The following ARMC1 variants were observed in gnomAD, a reference collection of about 807,000 sequenced individuals.
The protein encoded by ARMC1 is armadillo repeat-containing protein 1.
ARMC1 carries 16 observed loss-of-function variants against 31.4 expected under a neutral mutation model. That is an observed-to-expected ratio of 0.51 (90% CI 0.34 to 0.77). The LOEUF (loss-of-function observed/expected upper bound fraction) is 0.77. ARMC1 is among the 30% of genes least tolerant of loss of function. The pLI, the probability that ARMC1 is intolerant of heterozygous loss-of-function variation, is 0.01. For missense variants in ARMC1, 259 were observed against 347.5 expected (o/e 0.75, Z 2.02); for synonymous variants, 114 against 118.9 (o/e 0.96, Z 0.27).
chr8:65,627,102 A>C, intron 2 of ARMC1, 114 bp downstream of exon 2: 3 of 962,310 alleles, frequency 3.1e-6, no homozygotes, highest in Non-Finnish European at 4.6e-6. Flanking sequence ...ACATAAATAC[A>C]AACAACTAAT....
intron 1 of ARMC1, among the ~76,000 whole-genome samples, chr8:65,629,473 C>G (rs1808589203): frequency 2.0e-5 from 3 of 152,088 alleles, no homozygotes; most frequent in African/African-American, 7.2e-5. Context: ...GTTTTTTTGA[C>G]ATCTATTGCA....
chr8:65,609,630 C>G (rs191193211), intron 4 of ARMC1, among the ~76,000 whole-genome samples: 1 of 152,028 alleles, frequency 6.6e-6, no homozygotes, highest in Non-Finnish European at 1.5e-5. Flanking sequence ...GAGGCCAAGG[C>G]GGGTGGATCA....
At position 65,605,348 on chromosome 8, in the gene ARMC1, A is replaced by G; in HGVS notation, c.583-11T>C. ...TGCTGATGCCAAAGCCTAAGCCAAG[A>G]TAAAAAGGAACAATTTTGAAATTGA... On this transcript the variant is annotated splice_polypyrimidine_tract_variant and intron_variant, in intron 5 of 6. Coordinates refer to ENST00000276569, the MANE Select transcript of ARMC1 (RefSeq NM_018120.6). 1 of 1,613,678 alleles carries G rather than the reference A, an allele frequency of 6.2e-7. No homozygotes were observed. Among genetic ancestry groups the G allele is most frequent in the Non-Finnish European group, 8.5e-7 (1 of 1,179,854 alleles).
chr8:65,612,721 G>A (rs907911853), intron 4 of ARMC1, among the ~76,000 whole-genome samples: 7 of 151,908 alleles, frequency 4.6e-5, no homozygotes, highest in African/African-American at 7.3e-5. Context: ...AATTAGCCAG[G>A]CATGGTGGTG....
In ARMC1 at chr8:65,604,283, A is replaced by G; in HGVS notation, c.*111T>C. On this transcript the variant is annotated 3_prime_UTR_variant, in exon 7 of 7. Transcript: ENST00000276569. ...GAAATGCAGCATATGCGATCGTGTA[A>G]TCTAAAAACTTTTCATGATAACTTA... The G allele has an allele frequency of 7.0e-6, 7 of 1,006,846 alleles. 1 individual carries two copies. The highest frequency in any genetic ancestry group is 1.0e-5 in the Non-Finnish European group (7 of 681,638). 62.4% of individuals were successfully genotyped at this position (1,006,846 alleles called of 1,614,324 possible).
chr8:65,621,208 T>C (rs1379686170), intron 3 of ARMC1, among the ~76,000 whole-genome samples: 2 of 152,188 alleles, frequency 1.3e-5, no homozygotes, highest in African/African-American at 4.8e-5. Flanking sequence ...AGATAATCCA[T>C]TATATCCAAT....
rs1808530422 is a variant in ARMC1 at position 65,627,250 on chromosome 8, T to C, written c.149A>G (p.His50Arg). ...GGAGTGGACGACTGGAGGGTTGGGA[T>C]GGTCCATAAATAAAATAAGGCCAGG... ...CLPGLILFMDHPNPPVVHSAL... is the reference protein window; with the variant it reads ...CLPGLILFMDRPNPPVVHSAL... Residue 50 changes from histidine to arginine, a missense_variant, in exon 2 of 7, where the codon CAT becomes CGT. Coordinates refer to ENST00000276569, the MANE Select transcript of ARMC1 (RefSeq NM_018120.6). 3 of 1,603,764 alleles carry C rather than the reference T, an allele frequency of 1.9e-6. No homozygotes were observed. The highest frequency in any genetic ancestry group is 2.6e-6 in the Non-Finnish European group (3 of 1,174,172).
intron 4 of ARMC1, among the ~76,000 whole-genome samples, chr8:65,611,388 T>C (rs963954984): frequency 6.6e-6 from 1 of 152,192 alleles, no homozygotes; most frequent in African/African-American, 2.4e-5. Flanking sequence ...TTTGATTTCA[T>C]TGGTTTTTCT....
intron 4 of ARMC1, among the ~76,000 whole-genome samples, chr8:65,610,319 G>A (rs1471018315): frequency 6.6e-6 from 1 of 151,656 alleles, no homozygotes; most frequent in Non-Finnish European, 1.5e-5. Flanking sequence ...GGCTGGTCTT[G>A]AACTCCTGAC....
chr8:65,606,371 A>AAAAAG (rs1554540105), intron 4 of ARMC1, among the ~76,000 whole-genome samples: 2 of 151,704 alleles, frequency 1.3e-5, no homozygotes, highest in Non-Finnish European at 2.9e-5. Context: ...AAAAAAAAAA[A>AAAAAG]AAAAGAAAAG....
intron 1 of ARMC1, chr8:65,632,982 G>A (rs1282917226): frequency 1.3e-5 from 2 of 152,192 alleles, no homozygotes; most frequent in East Asian, 3.8e-4. Context: ...TGAGCACTCT[G>A]GTCAGTTAAA....
Position 65,602,879 on chromosome 8 carries a change from T to C in ARMC1, c.*1515A>G, listed in dbSNP as rs1299295038. ...TCACTTGAATCAGAAACCAAACACA[T>C]GTAAAAAAATATCATCCTCAATGCC... On this transcript the variant is annotated 3_prime_UTR_variant, in exon 7 of 7. Coordinates refer to ENST00000276569, the MANE Select transcript of ARMC1 (RefSeq NM_018120.6). 6.6e-6 allele frequency: 1 copy of C among 150,516 alleles called. No individual in the cohort carries two copies. The highest frequency in any genetic ancestry group is 6.7e-5 in the Admixed American group (1 of 14,966). 9.3% of individuals were successfully genotyped at this position (150,516 alleles called of 1,614,324 possible).
chr8:65,619,243 T>C (rs1808340935), intron 3 of ARMC1, among the ~76,000 whole-genome samples: 1 of 151,800 alleles, frequency 6.6e-6, no homozygotes. Context: ...AGCAAAGAAA[T>C]TTTAGAGCAG....
Position 65,613,260 on chromosome 8 carries a change from T to C in ARMC1, c.449A>G (p.Asp150Gly). ...AGACCTTACCGTATCATCAAGGCCA[T>C]CTATATGCAAAACCACTGTTTTGGC... ...KRAKTVVLHI[D>G]GLDDTSRRNL... Residue 150 changes from aspartate (D) to glycine (G), a missense_variant, in exon 4 of 7, where the codon GAT (aspartate) becomes GGT (glycine). By Grantham distance (94) the Asp-to-Gly change is moderately conservative. Around this residue, in one of 3 missense-constraint regions of ARMC1, gnomAD observed 23 missense variants for 60.8 expected, o/e 0.38. Transcript: ENST00000276569. 1 of 1,607,484 alleles carries C rather than the reference T, an allele frequency of 6.2e-7. No homozygotes were observed. Among genetic ancestry groups the C allele is most frequent in the Non-Finnish European group, 8.5e-7 (1 of 1,178,110 alleles).
In ARMC1 at chr8:65,617,938, C is replaced by T. The variant is rs990208599; in HGVS notation, c.275+4325G>A. ...TTTCGGCGGGGGGGGAGGGAGCAGA[C>T]AGAGTCTCACTCTGTCACCCAGGCT... On this transcript the variant is annotated intron_variant, in intron 3 of 6. Transcript: ENST00000276569. Among the ~76,000 whole-genome samples the T allele has an allele frequency of 4.7e-4, 71 of 150,056 alleles. 3 individuals carry two copies. The highest frequency in any genetic ancestry group is 6.6e-5 in the Admixed American group (1 of 15,076).
At chr8:65,609,329 A>G (rs971911548) in intron 4 of ARMC1, among the ~76,000 whole-genome samples, 15 of 152,134 alleles carry the variant, frequency 9.9e-5, no homozygotes, top group African/African-American at 3.6e-4. Flanking sequence ...AGCTTTAAAA[A>G]GAAACTATAT....
intron 4 of ARMC1, among the ~76,000 whole-genome samples, chr8:65,608,915 AAAATAAAG>A (rs996957119): frequency 5.3e-5 from 8 of 152,132 alleles, no homozygotes; most frequent in Non-Finnish European, 8.8e-5. Context: ...TGTCTCAAAA[AAAATAAAG>A]AAAGAAAGAA....
At chr8:65,624,804 C>T (rs1004477865) in intron 2 of ARMC1, among the ~76,000 whole-genome samples, 2 of 151,690 alleles carry the variant, frequency 1.3e-5, no homozygotes, top group African/African-American at 4.8e-5. Context: ...CTAACAGTGA[C>T]GAAAAAAGGA....
chr8:65,604,899 T>G (rs1359877339), intron 6 of ARMC1, among the ~76,000 whole-genome samples: 1 of 152,206 alleles, frequency 6.6e-6, no homozygotes, highest in Non-Finnish European at 1.5e-5. Flanking sequence ...AAGGTATATT[T>G]GTTTCCCCCA....
Sources: gnomAD v4.1 joint callset for allele counts (sites outside exome capture counted in the v4.1 genomes callset) on GRCh38, gnomAD v4.1.1 for gene constraint, gnomAD v4.1.1 regional missense constraint, MANE v1.5 for transcripts, NCBI Gene and HGNC (gene_info 2026-07-23, HGNC 2026-07-21) for gene names.